Variants in SPPL2B observed in about 807,000 individuals in gnomAD.
SPPL2B encodes the protein signal peptide peptidase like 2B, also known as signal peptide peptidase-like 2B.
In SPPL2B, 39 loss-of-function variants were observed where a neutral mutation model predicts 59.7. The observed-to-expected ratio is 0.65, with a 90% CI of 0.51 to 0.85. The LOEUF is 0.85. SPPL2B is among the 40% of genes least tolerant of loss of function. The pLI, the probability that SPPL2B is intolerant of heterozygous loss-of-function variation, is 0.00. For missense variants in SPPL2B, 865 were observed against 849.0 expected, an observed-to-expected ratio of 1.02 and a Z score of -0.23; for synonymous variants, 419 against 370.8, an observed-to-expected ratio of 1.13 and a Z score of -1.49.
Position 2,339,706 on chromosome 19 carries a change from C to G in SPPL2B, c.600-118C>G, listed in dbSNP as rs565780664. 60 of 1,244,454 alleles carry G rather than the reference C, an allele frequency of 4.8e-5. No individual in the cohort carries two copies. In the South Asian group the frequency reaches 7.4e-4, roughly 15 times the overall value. 77.1% of individuals were successfully genotyped at this position (1,244,454 alleles called of 1,614,324 possible). A position where few individuals can be genotyped will look rare whatever the true frequency, so the allele number is the denominator to read the frequency against. On this transcript the variant is annotated intron_variant, in intron 5 of 14. Coordinates refer to ENST00000613503, the MANE Select transcript of SPPL2B (RefSeq NM_152988.3). ...GGCGGTTCCTTGCACTTCAGTCCCCCCCGGGTCCCCTCCTGCTCCCGGGTT... is the reference window on the plus strand; with the variant it reads ...GGCGGTTCCTTGCACTTCAGTCCCCGCCGGGTCCCCTCCTGCTCCCGGGTT...
intron 13 of SPPL2B, among the ~76,000 whole-genome samples, chr19:2,347,387 TTC>T (rs766097075): frequency 1.3e-4 from 1 of 7,518 alleles, no homozygotes; most frequent in Non-Finnish European, 2.5e-4. Flanking sequence ...CCTGATTCCG[TTC>T]TCTCTCTCCA....
chr19:2,337,567 T>G lies in SPPL2B; in HGVS notation c.311T>G (p.Val104Gly). ...GGGAACTGCACCTTCTATGAGAAAG[T>G]GAGGCTGGCCCAGGGCAGCGGAGCA... is the stretch of plus-strand genomic sequence containing the variant. ...ARGNCTFYEK[V>G]RLAQGSGARG... The change falls in exon 3 of 15, where the codon GTG becomes GGG. Residue 104 changes from valine (V) to glycine (G), a missense_variant. Physicochemically the swap from Val to Gly is moderately radical, Grantham distance 109. Coordinates refer to ENST00000613503, the MANE Select transcript of SPPL2B (RefSeq NM_152988.3). 3.1e-6 allele frequency: 5 copies of G among 1,611,274 alleles called. No individual in the cohort carries two copies. The highest frequency in any genetic ancestry group is 4.2e-6 in the Non-Finnish European group (5 of 1,179,238).
At chr19:2,337,364 T>C (rs1474432135) in intron 2 of SPPL2B, 79 bp from the exon 3 acceptor site, 9 of 1,376,194 alleles carry the variant, frequency 6.5e-6, no homozygotes, top group Non-Finnish European at 9.0e-6. Context: ...CAGCGCAGGC[T>C]TCAGGTGGGA....
rs1241936464 is a variant in SPPL2B at position 2,353,585 on chromosome 19, C to T, written c.*376C>T. Reference sequence around the variant, plus strand: ...GGCCACACTTGGTGCTCACCAGCTGCTTCGGCCTTCAGGTGACCTCCCTCC... The same window carrying T: ...GGCCACACTTGGTGCTCACCAGCTGTTTCGGCCTTCAGGTGACCTCCCTCC... On this transcript the variant is annotated 3_prime_UTR_variant, in exon 15 of 15. Transcript: ENST00000613503. The T allele has an allele frequency of 1.3e-5, 3 of 227,420 alleles. No homozygotes were observed. The highest frequency in any genetic ancestry group is 2.3e-5 in the African/African-American group (1 of 43,140). The allele number at this position is 227,420 out of a possible 1,614,324, so 14.1% of individuals were successfully genotyped here.
intron 2 of SPPL2B, 86 bp from the exon 3 acceptor site, chr19:2,337,357 C>G: frequency 9.9e-6 from 13 of 1,313,348 alleles, no homozygotes; most frequent in Non-Finnish European, 1.4e-5. Context: ...TCTAACTCAG[C>G]GCAGGCTTCA....
chr19:2,348,636 G>A (rs1350662339), intron 13 of SPPL2B, among the ~76,000 whole-genome samples: 5 of 133,222 alleles, frequency 3.8e-5, no homozygotes, highest in East Asian at 4.8e-4. Flanking sequence ...ACACTCACAC[G>A]CTGTCATTCG....
Position 2,351,525 on chromosome 19 carries a change from G to C in SPPL2B, c.1446G>C (p.Leu482=). 1.2e-6 allele frequency: 2 copies of C among 1,611,304 alleles called. No homozygotes were observed. Among genetic ancestry groups the C allele is most frequent in the Non-Finnish European group, 1.7e-6 (2 of 1,179,586 alleles). The part of the protein sequence containing the change: ...PALLYLVPCT[L]VTSCAVALWR... ...TCCTCTACCTGGTGCCCTGCACGCTGGTGACGAGCTGCGCTGTGGCGCTCT... is the reference window on the plus strand; with the variant it reads ...TCCTCTACCTGGTGCCCTGCACGCTCGTGACGAGCTGCGCTGTGGCGCTCT... Residue 482 remains leucine, a synonymous_variant, in exon 14 of 15, where the codon CTG becomes CTC. Transcript: ENST00000613503.
In SPPL2B at chr19:2,351,453, T is replaced by C. The variant is rs948726116; in HGVS notation, c.1374T>C (p.Leu458=). The C allele has an allele frequency of 5.0e-6, 8 of 1,607,904 alleles. No individual in the cohort carries two copies. The highest frequency in any genetic ancestry group is 6.8e-6 in the Non-Finnish European group (8 of 1,178,074). Residue 458 remains leucine (L), a synonymous_variant, in exon 14 of 15, where the codon CTT becomes CTC. Transcript: ENST00000613503. ...CCACAGCCTATGGCGTTGGCCTCCT[T>C]GTGACATTCGTGGCACTGGCCCTGA... The part of the protein sequence containing the change: ...ACTIAYGVGL[L]VTFVALALMQ...
chr19:2,338,865 C>T (rs1253306647), intron 4 of SPPL2B, 24 bp downstream of exon 4: 2 of 1,605,664 alleles, frequency 1.2e-6, no homozygotes, highest in Non-Finnish European at 1.7e-6. Flanking sequence ...GGCTCAGACC[C>T]ACGCTCCCGA....
At chr19:2,336,033 G>A (rs1392565059) in intron 2 of SPPL2B, among the ~76,000 whole-genome samples, 1 of 152,246 alleles carries the variant, frequency 6.6e-6, no homozygotes, top group African/African-American at 2.4e-5. Flanking sequence ...TAATAGGTAT[G>A]TGTGAAGACA....
intron 1 of SPPL2B, chr19:2,330,294 T>TC (rs1555747248): frequency 6.6e-6 from 1 of 151,120 alleles, no homozygotes; most frequent in East Asian, 1.9e-4. Context: ...TTTTTTTTTT[T>TC]AGTAGAGACG....
At chr19:2,352,013 C>T (rs987760818) in intron 14 of SPPL2B, among the ~76,000 whole-genome samples, 2 of 152,190 alleles carry the variant, frequency 1.3e-5, no homozygotes, top group Admixed American at 6.5e-5. Flanking sequence ...GGGGGTGGGG[C>T]CGCAGGGCCC....
At chr19:2,329,795 C>T (rs1181941412) in intron 1 of SPPL2B, among the ~76,000 whole-genome samples, 1 of 152,204 alleles carries the variant, frequency 6.6e-6, no homozygotes, top group Non-Finnish European at 1.5e-5. Context: ...CAGATGAGTG[C>T]GCCGTCCAGT....
chr19:2,329,553 C>T (rs556771378), intron 1 of SPPL2B, among the ~76,000 whole-genome samples: 1 of 152,254 alleles, frequency 6.6e-6, no homozygotes, highest in African/African-American at 2.4e-5. Flanking sequence ...CTCCTGAGTT[C>T]GGTGGCTCAG....
At chr19:2,352,113 G>A (rs1039211343) in intron 14 of SPPL2B, among the ~76,000 whole-genome samples, 5 of 152,330 alleles carry the variant, frequency 3.3e-5, no homozygotes, top group South Asian at 4.1e-4. Context: ...AGGGTTAAAC[G>A]TGAGATGCAG....
At chr19:2,350,433 C>T (rs553651676) in intron 13 of SPPL2B, among the ~76,000 whole-genome samples, 5 of 148,972 alleles carry the variant, frequency 3.4e-5, no homozygotes, top group East Asian at 2.0e-4. Context: ...CACACACTCG[C>T]GCTCTCATTC....
At chr19:2,339,517 G>A (rs1336155516) in intron 5 of SPPL2B, among the ~76,000 whole-genome samples, 1 of 152,206 alleles carries the variant, frequency 6.6e-6, no homozygotes, top group Admixed American at 6.5e-5. Context: ...AGCCGCCTGG[G>A]TCTGGGGAGG....
chr19:2,329,341 T>G (rs1968160987), intron 1 of SPPL2B, among the ~76,000 whole-genome samples: 2 of 152,164 alleles, frequency 1.3e-5, no homozygotes, highest in African/African-American at 2.4e-5. Flanking sequence ...GACGATGGAA[T>G]TCGTGTGCAG....
chr19:2,343,930 G>C (rs1247708891), intron 9 of SPPL2B, 35 bp from the exon 10 acceptor site: 4 of 1,519,694 alleles, frequency 2.6e-6, no homozygotes, highest in African/African-American at 1.4e-5. Flanking sequence ...GGCACGGGCC[G>C]GGGTGGGGGC....
Sources: gnomAD v4.1 joint callset for allele counts (sites outside exome capture counted in the v4.1 genomes callset) on GRCh38, gnomAD v4.1.1 for gene constraint, MANE v1.5 for transcripts, NCBI Gene and HGNC (gene_info 2026-07-23, HGNC 2026-07-21) for gene names.